Variants in BEND4 observed in about 807,000 individuals in gnomAD.
BEND4 encodes BEN domain containing 4.
A neutral mutation model predicts 54.7 loss-of-function variants in BEND4; 27 were observed. That is an observed-to-expected ratio of 0.49 (90% CI 0.36 to 0.68). BEND4 has a LOEUF of 0.68. Ranked by LOEUF, BEND4 falls within the 30% of genes least tolerant of loss-of-function variation. The probability of loss-of-function intolerance (pLI) is 0.00; values close to 1 mark genes in which losing one functional copy is unlikely to be tolerated. For missense variants in BEND4, 702 were observed against 697.2 expected (o/e 1.01, Z -0.08); for synonymous variants, 327 against 299.5 (o/e 1.09, Z -0.95).
chr4:42,119,644 A>C (rs1056004905), intron 5 of BEND4, among the ~76,000 whole-genome samples: 12 of 152,178 alleles, frequency 7.9e-5, no homozygotes, highest in African/African-American at 2.9e-4. Flanking sequence ...AGTTGGGCCA[A>C]GTATTCTTGA....
rs1190910962 is a variant in BEND4 at position 42,111,521 on chromosome 4, AAG to A, written c.*5995_*5996del. 6.6e-6 allele frequency: 1 copy of A among 152,226 alleles called. No homozygotes were observed. Among genetic ancestry groups the A allele is most frequent in the African/African-American group, 2.4e-5 (1 of 41,454 alleles). 9.4% of individuals were successfully genotyped at this position (152,226 alleles called of 1,614,324 possible). A position where few individuals can be genotyped will look rare whatever the true frequency, so the allele number is the denominator to read the frequency against. On this transcript the variant is annotated 3_prime_UTR_variant, in exon 6 of 6. Coordinates refer to ENST00000502486, the MANE Select transcript of BEND4 (RefSeq NM_207406.4). The stretch of plus-strand genomic sequence containing the variant: ...CCCACCTCTAGCATGCCCTGTTCCC[AAG>A]AAGTGCAAGCCAGGACCCTCATGGC...
chr4:42,131,578 C>CTT (rs1455495312), intron 3 of BEND4, among the ~76,000 whole-genome samples: 1 of 152,118 alleles, frequency 6.6e-6, no homozygotes, highest in Non-Finnish European at 1.5e-5. Flanking sequence ...TACAGGCTGG[C>CTT]TCTTTCTTTC....
intron 4 of BEND4, among the ~76,000 whole-genome samples, chr4:42,120,693 T>G (rs1403115380): frequency 1.3e-5 from 2 of 152,238 alleles, no homozygotes; most frequent in African/African-American, 2.4e-5. Flanking sequence ...TGGTTACTTT[T>G]AAGTACTTTT....
intron 2 of BEND4, 36 bp downstream of exon 2, chr4:42,151,621 C>T: frequency 7.0e-7 from 1 of 1,425,508 alleles, no homozygotes; most frequent in East Asian, 3.1e-5. Flanking sequence ...TGCCCCCGGC[C>T]GTGGCGGGAA....
intron 3 of BEND4, among the ~76,000 whole-genome samples, chr4:42,127,753 A>G (rs1394381091): frequency 2.6e-5 from 4 of 152,204 alleles, no homozygotes; most frequent in Admixed American, 2.0e-4. Context: ...TGCTTTGTCA[A>G]GTGACATGTG....
chr4:42,140,255 T>G (rs1720837338), intron 3 of BEND4, among the ~76,000 whole-genome samples: 1 of 152,140 alleles, frequency 6.6e-6, no homozygotes, highest in African/African-American at 2.4e-5. Flanking sequence ...AAGTGACACT[T>G]TAACCTGTTT....
chr4:42,138,138 G>A (rs1262373158), intron 3 of BEND4, among the ~76,000 whole-genome samples: 2 of 152,208 alleles, frequency 1.3e-5, no homozygotes, highest in Non-Finnish European at 2.9e-5. Flanking sequence ...GCACTCCCAC[G>A]TTCATTGCAG....
chr4:42,119,609 G>T (rs1719982870), intron 5 of BEND4, among the ~76,000 whole-genome samples: 1 of 152,006 alleles, frequency 6.6e-6, no homozygotes, highest in Non-Finnish European at 1.5e-5. Context: ...GCATTAAGGA[G>T]AATTAATCCT....
chr4:42,152,201 C>G lies in BEND4; in HGVS notation c.-58G>C. ...TCCCCTCCCCGCCGGGCGCCGGGCT[C>G]CGAGGGTGCCTCCGCCGCCTGCCCG... On this transcript the variant is annotated 5_prime_UTR_variant, in exon 2 of 6. Coordinates refer to ENST00000502486, the MANE Select transcript of BEND4 (RefSeq NM_207406.4). 1 of 1,231,792 alleles carries G rather than the reference C, an allele frequency of 8.1e-7. No individual in the cohort carries two copies. Among genetic ancestry groups the G allele is most frequent in the African/African-American group, 1.6e-5 (1 of 63,884 alleles). The allele number at this position is 1,231,792 out of a possible 1,614,324, so 76.3% of individuals were successfully genotyped here.
intron 2 of BEND4, among the ~76,000 whole-genome samples, chr4:42,147,255 T>C (rs763980081): frequency 2.4e-4 from 37 of 152,134 alleles, no homozygotes; most frequent in Non-Finnish European, 3.5e-4. Context: ...ATGAAAAATA[T>C]TACCATTACA....
chr4:42,128,840 A>T (rs1369212750), intron 3 of BEND4, among the ~76,000 whole-genome samples: 1 of 147,192 alleles, frequency 6.8e-6, no homozygotes, highest in East Asian at 2.1e-4. Flanking sequence ...GGAGGCTGAG[A>T]CAGGAAAACG....
intron 2 of BEND4, among the ~76,000 whole-genome samples, chr4:42,148,893 T>C (rs1419746651): frequency 6.6e-6 from 1 of 152,372 alleles, no homozygotes; most frequent in East Asian, 1.9e-4. Context: ...TTTAAAACCA[T>C]GGTGTATTAC....
chr4:42,138,542 A>ACTTGAGATTAAGGCTAT (rs1435116151), intron 3 of BEND4, among the ~76,000 whole-genome samples: 1 of 152,228 alleles, frequency 6.6e-6, no homozygotes, highest in African/African-American at 2.4e-5. Flanking sequence ...TTTGTACCGT[A>ACTTGAGATTAAGGCTAT]CTTGAGATTA....
rs368189648 is a variant in BEND4, at chr4:42,146,590, TTTTACTTCCTG to T, written c.488-2607_488-2597del. Among the ~76,000 whole-genome samples the T allele has an allele frequency of 4.8e-3, 736 of 152,236 alleles. 5 individuals are homozygous for T. Among genetic ancestry groups the T allele is most frequent in the African/African-American group, 0.017 (713 of 41,518 alleles). On this transcript the variant is annotated intron_variant, in intron 2 of 5. Coordinates refer to ENST00000502486, the MANE Select transcript of BEND4 (RefSeq NM_207406.4). ...GAGGTTTAAGATGCTACACTCATTT[TTTTACTTCCTG>T]GTTTCTGTTCTTTTATTAGTAAAAT...
intron 5 of BEND4, among the ~76,000 whole-genome samples, chr4:42,118,657 T>C (rs924782395): frequency 1.3e-5 from 2 of 152,206 alleles, no homozygotes; most frequent in Non-Finnish European, 2.9e-5. Flanking sequence ...TAAGAATTTC[T>C]GGAAAATGAT....
In BEND4 at chr4:42,113,257, G is replaced by T. The variant is rs1039587529; in HGVS notation, c.*4261C>A. The T allele has an allele frequency of 6.6e-6, 1 of 152,188 alleles. No homozygotes were observed. Among genetic ancestry groups the T allele is most frequent in the Admixed American group, 6.5e-5 (1 of 15,280 alleles). The allele number at this position is 152,188 out of a possible 1,614,324, so 9.4% of individuals were successfully genotyped here. On this transcript the variant is annotated 3_prime_UTR_variant, in exon 6 of 6. Coordinates refer to ENST00000502486, the MANE Select transcript of BEND4 (RefSeq NM_207406.4). ...GTGAAATGACACAGCACTGAATGAGGAAAGTTATACATTTAAATCTTTCCT... is the reference window on the plus strand; with the variant it reads ...GTGAAATGACACAGCACTGAATGAGTAAAGTTATACATTTAAATCTTTCCT...
chr4:42,149,993 A>C (rs1056771475), intron 2 of BEND4, among the ~76,000 whole-genome samples: 1 of 152,158 alleles, frequency 6.6e-6, no homozygotes. Flanking sequence ...AGAGGGGAAA[A>C]CGTCAATGAA....
chr4:42,116,795 C>T lies in BEND4; in HGVS notation c.*723G>A, dbSNP rs1560573614. 1 of 152,190 alleles carries T rather than the reference C, an allele frequency of 6.6e-6. No homozygotes were observed. The allele number at this position is 152,190 out of a possible 1,614,324, so 9.4% of individuals were successfully genotyped here. On this transcript the variant is annotated 3_prime_UTR_variant, in exon 6 of 6. Coordinates refer to ENST00000502486, the MANE Select transcript of BEND4 (RefSeq NM_207406.4). ...ACTGCGGATTTATTAACCTACAAAA[C>T]TGAGCATTTGAAAATGGTTTTGGAT...
Position 42,115,411 on chromosome 4 carries a change from G to A in BEND4, c.*2107C>T, listed in dbSNP as rs1396064569. 3.3e-5 allele frequency: 5 copies of A among 152,212 alleles called. No individual in the cohort carries two copies. The East Asian group carries it at 7.7e-4, about 23-fold the overall frequency. 9.4% of individuals were successfully genotyped at this position (152,212 alleles called of 1,614,324 possible). A position where few individuals can be genotyped will look rare whatever the true frequency, so the allele number is the denominator to read the frequency against. On this transcript the variant is annotated 3_prime_UTR_variant, in exon 6 of 6. Transcript: ENST00000502486. ...CATCAGCCTCAGCGAAGACCAGCACGATAGGGCTCCAAGATGATATTTGGA... is the reference window on the plus strand; with the variant it reads ...CATCAGCCTCAGCGAAGACCAGCACAATAGGGCTCCAAGATGATATTTGGA...
Sources: allele counts gnomAD v4.1 joint callset (sites outside exome capture counted in the v4.1 genomes callset), GRCh38; gene constraint gnomAD v4.1.1; transcripts MANE v1.5; gene names NCBI Gene and HGNC (gene_info 2026-07-23, HGNC 2026-07-21).